Variants in DLGAP2 observed in about 807,000 individuals in gnomAD.
The protein encoded by DLGAP2 is DLG associated protein 2, also known as disks large-associated protein 2.
In DLGAP2, 26 loss-of-function variants were observed where a neutral mutation model predicts 100.3. The ratio of observed to expected loss-of-function variants is 0.26; its 90% CI spans 0.19 to 0.36. The LOEUF (loss-of-function observed/expected upper bound fraction) is 0.36. Among genes scored for constraint, DLGAP2 ranks in the 10% least tolerant of loss-of-function variants. The probability of loss-of-function intolerance (pLI) is 1.00; values close to 1 mark genes in which losing one functional copy is unlikely to be tolerated. For synonymous variants in DLGAP2, 886 were observed against 630.1 expected (o/e 1.41, Z -6.08); for missense variants, 1,858 against 1,453.2 (o/e 1.28, Z -4.53).
intron 3 of DLGAP2, among the ~76,000 whole-genome samples, chr8:1,346,978 C>T (rs2117095887): frequency 6.6e-6 from 1 of 152,042 alleles, no homozygotes; most frequent in African/African-American, 2.4e-5. Flanking sequence ...CCATACAGAG[C>T]TGCATTGCAC....
chr8:755,356 T>C (rs1820894398), intron 1 of DLGAP2, among the ~76,000 whole-genome samples: 1 of 151,972 alleles, frequency 6.6e-6, no homozygotes, highest in African/African-American at 2.4e-5. Context: ...TCTCAGCTAC[T>C]CGGGAGATGG....
At chr8:1,529,709 A>C (rs1313705009) in intron 4 of DLGAP2, among the ~76,000 whole-genome samples, 2 of 152,256 alleles carry the variant, frequency 1.3e-5, no homozygotes, top group South Asian at 4.1e-4. Context: ...CTCTTTGAAC[A>C]GACACTTATC....
chr8:1,226,619 A>C (rs1464853873), intron 2 of DLGAP2, among the ~76,000 whole-genome samples: 3 of 152,188 alleles, frequency 2.0e-5, no homozygotes, highest in African/African-American at 7.2e-5. Flanking sequence ...CTGGAACTGA[A>C]AAAATAAATG....
At chr8:1,147,636 C>T (rs1796630959) in intron 2 of DLGAP2, among the ~76,000 whole-genome samples, 1 of 151,570 alleles carries the variant, frequency 6.6e-6, no homozygotes, top group Non-Finnish European at 1.5e-5. Context: ...GGCTCAGGCT[C>T]TCCTTCTGCC....
intron 4 of DLGAP2, among the ~76,000 whole-genome samples, chr8:1,528,993 C>T (rs983947729): frequency 2.6e-5 from 4 of 152,136 alleles, no homozygotes; most frequent in African/African-American, 9.7e-5. Context: ...TTTAACCTTC[C>T]TCATGTTTAT....
chr8:1,273,531 G>C (rs548798423), intron 3 of DLGAP2, among the ~76,000 whole-genome samples: 12 of 152,312 alleles, frequency 7.9e-5, no homozygotes, highest in Admixed American at 4.6e-4. Flanking sequence ...CTCAAGTGTG[G>C]ATGGCCGGCA....
At chr8:1,029,263 G>A (rs531435503) in intron 2 of DLGAP2, among the ~76,000 whole-genome samples, 15 of 152,186 alleles carry the variant, frequency 9.9e-5, no homozygotes, top group African/African-American at 2.4e-4. Context: ...AACTGAAGCC[G>A]TAATTCTGGC....
intron 5 of DLGAP2, among the ~76,000 whole-genome samples, chr8:1,559,437 C>A (rs548294015): frequency 6.6e-6 from 1 of 152,270 alleles, no homozygotes; most frequent in East Asian, 1.9e-4. Flanking sequence ...TGATAGTCTC[C>A]AGACATATGC....
intron 1 of DLGAP2, among the ~76,000 whole-genome samples, chr8:872,224 A>T (rs936486576): frequency 7.9e-5 from 12 of 151,906 alleles, no homozygotes; most frequent in Non-Finnish European, 1.5e-4. Context: ...TTTTTTTATT[A>T]TTCAACTTCA....
Position 1,489,021 on chromosome 8 carries a change from C to T in DLGAP2, c.107-12345C>T, listed in dbSNP as rs147762144. Among the ~76,000 whole-genome samples the T allele has an allele frequency of 5.7e-3, 862 of 152,270 alleles. 13 individuals carry two copies. Among genetic ancestry groups the T allele is most frequent in the African/African-American group, 0.02 (814 of 41,556 alleles). ...CAACTCGCATTCAGCTTAAATAATC[C>T]GCACTGTTACCTTCTGCACATGGTC... is the stretch of plus-strand genomic sequence containing the variant. On this transcript the variant is annotated intron_variant, in intron 3 of 14. Coordinates refer to ENST00000637795, the MANE Select transcript of DLGAP2 (RefSeq NM_001346810.2).
chr8:751,647 C>T (rs112864508), intron 1 of DLGAP2, among the ~76,000 whole-genome samples: 1 of 151,706 alleles, frequency 6.6e-6, no homozygotes, highest in Non-Finnish European at 1.5e-5. Context: ...TCATCTGACA[C>T]TTTATAGTAA....
At chr8:1,275,648 C>G (rs1345321550) in intron 3 of DLGAP2, among the ~76,000 whole-genome samples, 1 of 147,718 alleles carries the variant, frequency 6.8e-6, no homozygotes, top group Non-Finnish European at 1.5e-5. Flanking sequence ...GTAGTTCTCA[C>G]TCTAGGGCTT....
At chr8:921,430 C>T (rs1264745634) in intron 2 of DLGAP2, among the ~76,000 whole-genome samples, 1 of 152,132 alleles carries the variant, frequency 6.6e-6, no homozygotes, top group African/African-American at 2.4e-5. Flanking sequence ...TCCACGTGTC[C>T]ACAGACCCGA....
intron 3 of DLGAP2, among the ~76,000 whole-genome samples, chr8:1,467,871 TCC>T (rs944445877): frequency 2.0e-5 from 3 of 150,378 alleles, no homozygotes; most frequent in Non-Finnish European, 4.4e-5. Flanking sequence ...AGATCCCAGA[TCC>T]CCCCTGGTCA....
chr8:1,543,054 A>G (rs929206229), intron 4 of DLGAP2, among the ~76,000 whole-genome samples: 4 of 152,062 alleles, frequency 2.6e-5, no homozygotes, highest in Non-Finnish European at 4.4e-5. Context: ...TATTTGGATT[A>G]TTTGTCTTAT....
intron 2 of DLGAP2, among the ~76,000 whole-genome samples, chr8:1,114,295 C>G (rs908670511): frequency 3.9e-5 from 6 of 152,034 alleles, no homozygotes; most frequent in African/African-American, 1.4e-4. Context: ...CTTTATACAT[C>G]TGGTAGAGTT....
intron 1 of DLGAP2, among the ~76,000 whole-genome samples, chr8:755,615 G>A (rs1820900245): frequency 6.6e-6 from 1 of 152,212 alleles, no homozygotes; most frequent in Non-Finnish European, 1.5e-5. Flanking sequence ...ACGAGGGGCA[G>A]GTGGGGGTGA....
rs13264391 is a variant in DLGAP2 at position 1,165,235 on chromosome 8, G to A, written c.74-93616G>A. The stretch of plus-strand genomic sequence containing the variant: ...GAGATGGGGGGGCGGGAGGAACAGA[G>A]GCAGAGGGAGAGGAAGACAGATGGA... On this transcript the variant is annotated intron_variant, in intron 2 of 14. Transcript: ENST00000637795. 2.7e-4 allele frequency among the ~76,000 whole-genome samples: 41 copies of A among 151,544 alleles called. No homozygotes were observed. The South Asian group carries it at 8.0e-3, about 30-fold the overall frequency.
At chr8:1,102,439 C>A (rs145317952) in intron 2 of DLGAP2, among the ~76,000 whole-genome samples, 1 of 150,738 alleles carries the variant, frequency 6.6e-6, no homozygotes, top group Admixed American at 6.6e-5. Flanking sequence ...ATTGGCATGC[C>A]GTCCAAAAAT....
Sources: gnomAD v4.1 joint callset for allele counts (sites outside exome capture counted in the v4.1 genomes callset) on GRCh38, gnomAD v4.1.1 for gene constraint, MANE v1.5 for transcripts, NCBI Gene and HGNC (gene_info 2026-07-23, HGNC 2026-07-21) for gene names.